SMC2: variants seen among roughly 807,000 people sequenced by gnomAD.
The protein encoded by SMC2 is structural maintenance of chromosomes 2.
A neutral mutation model predicts 142.6 loss-of-function variants in SMC2; 41 were observed. The ratio of observed to expected loss-of-function variants is 0.29; its 90% CI spans 0.22 to 0.37. SMC2 has a LOEUF of 0.37. Ranked by LOEUF, SMC2 falls within the 10% of genes least tolerant of loss-of-function variation. The pLI, the probability that SMC2 is intolerant of heterozygous loss-of-function variation, is 1.00. For synonymous variants in SMC2, 463 were observed against 457.5 expected, an observed-to-expected ratio of 1.01 and a Z score of -0.15; for missense variants, 1,265 against 1,373.7, an observed-to-expected ratio of 0.92 and a Z score of 1.25.
intron 24 of SMC2, 88 bp from the exon 25 acceptor site, chr9:104,139,051 T>C: frequency 1.3e-6 from 1 of 772,854 alleles, no homozygotes; most frequent in Non-Finnish European, 1.9e-6. Flanking sequence ...TAAAATTATC[T>C]CCAAACCATT....
intron 13 of SMC2, among the ~76,000 whole-genome samples, chr9:104,115,163 C>T (rs1275490420): frequency 6.6e-6 from 1 of 152,048 alleles, no homozygotes; most frequent in East Asian, 1.9e-4. Context: ...TACATTTCTT[C>T]AGTTCTCACT....
chr9:104,089,556 T>C (rs1311817808), upstream of SMC2, among the ~76,000 whole-genome samples: 1 of 152,140 alleles, frequency 6.6e-6, no homozygotes, highest in African/African-American at 2.4e-5. Context: ...CTCTGGCTAT[T>C]AACCAGCATG....
chr9:104,108,544 A>G (rs370440954), intron 9 of SMC2, among the ~76,000 whole-genome samples: 16 of 152,142 alleles, frequency 1.1e-4, no homozygotes, highest in African/African-American at 3.6e-4. Context: ...CCATCTGACT[A>G]CCCACTTCCC....
At chr9:104,104,616 A>G (rs12351555) in intron 9 of SMC2, among the ~76,000 whole-genome samples, 21,588 of 152,112 alleles carry the variant, frequency 0.14, 1,766 homozygotes, top group Non-Finnish European at 0.16. Flanking sequence ...AGCACATTCT[A>G]CAGTTATTCT....
intron 7 of SMC2, among the ~76,000 whole-genome samples, chr9:104,101,123 C>T (rs2131312474): frequency 6.6e-6 from 1 of 152,172 alleles, no homozygotes; most frequent in East Asian, 1.9e-4. Context: ...TTTGTAGAGA[C>T]AGGGTTTCTC....
intron 3 of SMC2, among the ~76,000 whole-genome samples, chr9:104,097,398 G>A (rs768942108): frequency 6.8e-5 from 9 of 133,086 alleles, no homozygotes; most frequent in Non-Finnish European, 9.8e-5. Context: ...GAGCCACGGC[G>A]CCTGGCCCAA....
At position 104,102,172 on chromosome 9, in the gene SMC2, ATTGG is replaced by A; in HGVS notation, c.850_853del (p.Leu284LysfsTer15). 1.3e-6 allele frequency: 2 copies of A among 1,552,530 alleles called. No individual in the cohort carries two copies. The highest frequency in any genetic ancestry group is 1.7e-5 in the Admixed American group (1 of 57,302). On this transcript the variant is annotated frameshift_variant, in exon 8 of 25. Transcript: ENST00000374793. LOFTEE classifies it high-confidence loss of function. ...AAGCACTTAATCATGAAATAGAAGA[ATTGG>A]AAAAAAGAAAAGATAAGGTCTGAAC... is the stretch of plus-strand genomic sequence containing the variant.
At chr9:104,120,268 T>C in intron 16 of SMC2, 106 bp downstream of exon 16, 1 of 1,101,242 alleles carries the variant, frequency 9.1e-7, no homozygotes, top group Non-Finnish European at 1.2e-6. Flanking sequence ...TCTCATATTT[T>C]TGGTTTTATT....
At chr9:104,127,550 A>G in intron 20 of SMC2, 70 bp downstream of exon 20, 1 of 1,193,188 alleles carries the variant, frequency 8.4e-7, no homozygotes, top group Non-Finnish European at 1.1e-6. Flanking sequence ...AAATTTAGAA[A>G]ACTGCTTGAT....
chr9:104,124,106 T>C (rs1479030537), intron 17 of SMC2, among the ~76,000 whole-genome samples: 1 of 152,178 alleles, frequency 6.6e-6, no homozygotes, highest in Non-Finnish European at 1.5e-5. Context: ...TTTATTTATT[T>C]TTTTGAGACG....
intron 4 of SMC2, 91 bp downstream of exon 4, chr9:104,098,659 G>A: frequency 3.9e-6 from 5 of 1,292,520 alleles, no homozygotes; most frequent in Non-Finnish European, 5.3e-6. Context: ...TTATGTTTTG[G>A]ATTTTATACT....
chr9:104,133,050 C>G (rs1273460617), intron 22 of SMC2, among the ~76,000 whole-genome samples: 1 of 152,140 alleles, frequency 6.6e-6, no homozygotes, highest in Non-Finnish European at 1.5e-5. Flanking sequence ...GTACTGTTAT[C>G]AGCATTATAT....
At chr9:104,108,992 T>TTTCA (rs1181236060) in intron 9 of SMC2, among the ~76,000 whole-genome samples, 1 of 152,118 alleles carries the variant, frequency 6.6e-6, no homozygotes, top group Non-Finnish European at 1.5e-5. Context: ...AAATAGAGTA[T>TTTCA]GGATTATTCA....
the SMC2 span, among the ~76,000 whole-genome samples, chr9:104,088,597 T>C: frequency 2.0e-5 from 3 of 152,050 alleles, no homozygotes; most frequent in Non-Finnish European, 2.9e-5. Flanking sequence ...CACTAATGCT[T>C]CAGGAATGAC....
chr9:104,134,623 A>T, intron 23 of SMC2, 48 bp downstream of exon 23: 2 of 1,262,460 alleles, frequency 1.6e-6, no homozygotes, highest in Non-Finnish European at 2.2e-6. Context: ...TCTTTATTAT[A>T]ATTCATCTCC....
upstream of SMC2, among the ~76,000 whole-genome samples, chr9:104,093,975 G>A (rs1023556917): frequency 1.3e-5 from 2 of 152,224 alleles, no homozygotes; most frequent in Admixed American, 1.3e-4. Context: ...CAGCACCGCA[G>A]ACTGGAGAAG....
intron 21 of SMC2, among the ~76,000 whole-genome samples, chr9:104,130,327 C>A (rs1451235960): frequency 1.3e-5 from 2 of 152,110 alleles, no homozygotes; most frequent in African/African-American, 2.4e-5. Context: ...AACTTTGAGT[C>A]TGGGAAGGGA....
intron 19 of SMC2, 103 bp from the exon 20 acceptor site, chr9:104,127,183 C>A: frequency 1.2e-6 from 1 of 824,582 alleles, no homozygotes; most frequent in Non-Finnish European, 1.8e-6. Context: ...TGCCTGTAAT[C>A]ACATTGCCCT....
At chr9:104,127,946 A>T (rs1211028451) in intron 20 of SMC2, among the ~76,000 whole-genome samples, 1 of 152,220 alleles carries the variant, frequency 6.6e-6, no homozygotes, top group Non-Finnish European at 1.5e-5. Flanking sequence ...CTTTATAAAA[A>T]ATCTGATGTT....
Sources: gnomAD v4.1 joint callset for allele counts (sites outside exome capture counted in the v4.1 genomes callset) on GRCh38, gnomAD v4.1.1 for gene constraint, MANE v1.5 for transcripts, NCBI Gene and HGNC (gene_info 2026-07-23, HGNC 2026-07-21) for gene names.